ADAMTS9: variants seen among roughly 807,000 people sequenced by gnomAD.
ADAMTS9 encodes ADAM metallopeptidase with thrombospondin type 1 motif 9.
ADAMTS9 carries 107 observed loss-of-function variants against 257.1 expected under a neutral mutation model. The ratio of observed to expected loss-of-function variants is 0.42; its 90% CI spans 0.36 to 0.49. The LOEUF is 0.49. Among genes scored for constraint, ADAMTS9 ranks in the 20% least tolerant of loss-of-function variants. The probability of loss-of-function intolerance (pLI) is 0.03; values close to 1 mark genes in which losing one functional copy is unlikely to be tolerated. For synonymous variants in ADAMTS9, 982 were observed against 880.9 expected (o/e 1.11, Z -2.03); for missense variants, 2,353 against 2,469.1 (o/e 0.95, Z 1.00).
At chr3:64,612,823 G>A (rs1022659166) in intron 22 of ADAMTS9, among the ~76,000 whole-genome samples, 6 of 152,190 alleles carry the variant, frequency 3.9e-5, no homozygotes, top group Non-Finnish European at 8.8e-5. Context: ...CTACAGACTA[G>A]AGGACTTGGA....
chr3:64,633,407 G>A lies in ADAMTS9; in HGVS notation c.2175+65C>T, dbSNP rs148220850. 4.6e-4 allele frequency: 732 copies of A among 1,597,330 alleles called. 2 individuals carry two copies. In the African/African-American group the frequency reaches 8.6e-3, roughly 19 times the overall value. Reference sequence around the variant, plus strand: ...ATACTAGCAGTTGCTATTCTATCTAGGAAGCCACAAATCACAGGTTGGCAG... The same window carrying A: ...ATACTAGCAGTTGCTATTCTATCTAAGAAGCCACAAATCACAGGTTGGCAG... On this transcript the variant is annotated intron_variant, in intron 14 of 39. Transcript: ENST00000498707.
intron 3 of ADAMTS9, among the ~76,000 whole-genome samples, chr3:64,679,712 A>G (rs145648163): frequency 6.6e-6 from 1 of 152,332 alleles, no homozygotes; most frequent in Non-Finnish European, 1.5e-5. Flanking sequence ...TATGTTATGT[A>G]TACATTTCAT....
chr3:64,615,955 C>T lies in ADAMTS9; in HGVS notation c.3024+5G>A. The T allele has an allele frequency of 6.2e-7, 1 of 1,612,692 alleles. No homozygotes were observed. Among genetic ancestry groups the T allele is most frequent in the Non-Finnish European group, 8.5e-7 (1 of 1,179,926 alleles). The stretch of plus-strand genomic sequence containing the variant: ...AGAAGACTCTTTGAGTGAGAGCCAA[C>T]TTACTTCAGTCCAGGCAGAATAGCG... On this transcript the variant is annotated splice_donor_5th_base_variant and intron_variant, in intron 20 of 39. Transcript: ENST00000498707.
chr3:64,631,814 G>A lies in ADAMTS9; in HGVS notation c.2287C>T (p.His763Tyr), dbSNP rs769693453. The A allele has an allele frequency of 9.3e-6, 15 of 1,610,700 alleles. No homozygotes were observed. Among genetic ancestry groups the A allele is most frequent in the Middle Eastern group, 1.7e-4 (1 of 6,054 alleles). Residue 763 changes from histidine (H) to tyrosine (Y), a missense_variant, in exon 15 of 40, where the codon CAT becomes TAT. Transcript: ENST00000498707. ...KTVAGTFNTV[H>Y]YGYNTVVRIP... ...CTTAGGAGCAGATTCTTACCATAAT[G>A]TACTGTATTAAATGTTCCTGCCACT...
intron 28 of ADAMTS9, among the ~76,000 whole-genome samples, chr3:64,590,533 G>A (rs925110480): frequency 3.2e-4 from 48 of 152,160 alleles, no homozygotes; most frequent in African/African-American, 1.1e-3. Context: ...AGGTGTGGCT[G>A]CTTAAAACTG....
At chr3:64,582,991 G>A (rs1276209162) in intron 28 of ADAMTS9, 1 of 152,218 alleles carries the variant, frequency 6.6e-6, no homozygotes, top group Non-Finnish European at 1.5e-5. Context: ...GATATGGGAA[G>A]CTCTGTTTGA....
chr3:64,661,596 A>G (rs1220434081), intron 3 of ADAMTS9, among the ~76,000 whole-genome samples: 1 of 152,170 alleles, frequency 6.6e-6, no homozygotes, highest in Non-Finnish European at 1.5e-5. Flanking sequence ...TGCTCTTTCG[A>G]TTAGGTGAGC....
At chr3:64,519,757 T>A (rs1031403386) in intron 39 of ADAMTS9, among the ~76,000 whole-genome samples, 4 of 152,156 alleles carry the variant, frequency 2.6e-5, no homozygotes, top group South Asian at 4.1e-4. Context: ...CCCTTCATGA[T>A]AAAAACCTAC....
intron 37 of ADAMTS9, among the ~76,000 whole-genome samples, chr3:64,535,588 C>G (rs2106899139): frequency 7.6e-6 from 1 of 132,420 alleles, no homozygotes; most frequent in Non-Finnish European, 1.6e-5. Flanking sequence ...AGGTCTCACT[C>G]TGTCACCTAG....
At chr3:64,621,591 T>G (rs1441039778) in intron 18 of ADAMTS9, among the ~76,000 whole-genome samples, 1 of 151,624 alleles carries the variant, frequency 6.6e-6, no homozygotes, top group Non-Finnish European at 1.5e-5. Flanking sequence ...GTGAAACCCG[T>G]TCTCTACCAA....
chr3:64,517,415 G>GTTTTTTTTTTTTTTTTTTTTTTTTTTT (rs1242670245), intron 39 of ADAMTS9, among the ~76,000 whole-genome samples: 2 of 11,544 alleles, frequency 1.7e-4, no homozygotes, highest in Non-Finnish European at 6.0e-4. Flanking sequence ...AATTAAAAAT[G>GTTTTTTTTTTTTTTTTTTTTTTTTTTT]GTTTTTTTTT....
At chr3:64,548,597 G>A (rs372605036) in intron 31 of ADAMTS9, among the ~76,000 whole-genome samples, 39 of 28,334 alleles carry the variant, frequency 1.4e-3, no homozygotes, top group African/African-American at 1.7e-3. Flanking sequence ...CTATTTATGT[G>A]GGGGGGAGCC....
At chr3:64,522,508 G>T (rs1277375331) in intron 38 of ADAMTS9, 1 of 330,810 alleles carries the variant, frequency 3.0e-6, no homozygotes, top group East Asian at 5.3e-5. Flanking sequence ...AAATAATTGA[G>T]AAAAAGTAAA....
At chr3:64,653,662 T>G (rs537321934) in intron 8 of ADAMTS9, among the ~76,000 whole-genome samples, 4 of 152,340 alleles carry the variant, frequency 2.6e-5, no homozygotes, top group African/African-American at 9.6e-5. Flanking sequence ...ATAGTATAAG[T>G]AATTTAATCA....
intron 27 of ADAMTS9, 52 bp from the exon 28 acceptor site, chr3:64,594,486 C>G: frequency 1.3e-6 from 2 of 1,587,026 alleles, no homozygotes; most frequent in Non-Finnish European, 1.7e-6. Context: ...AGGCCAATGA[C>G]AAATTTCCTT....
At chr3:64,618,544 A>G (rs1337693940) in intron 19 of ADAMTS9, among the ~76,000 whole-genome samples, 4 of 152,180 alleles carry the variant, frequency 2.6e-5, no homozygotes, top group African/African-American at 7.2e-5. Context: ...GTGAGTGTCA[A>G]TTAAGTGACC....
chr3:64,588,657 G>A (rs2084204685), intron 28 of ADAMTS9: 1 of 152,000 alleles, frequency 6.6e-6, no homozygotes, highest in Non-Finnish European at 1.5e-5. Context: ...CTCCTCCTCA[G>A]AGTCCAATAA....
chr3:64,670,960 C>T (rs925578711), intron 3 of ADAMTS9, among the ~76,000 whole-genome samples: 2 of 152,172 alleles, frequency 1.3e-5, no homozygotes, highest in African/African-American at 2.4e-5. Flanking sequence ...AATGGCATAA[C>T]CACTTTGAAA....
At chr3:64,634,006 T>C in intron 12 of ADAMTS9, 127 bp from the exon 13 acceptor site, 4 of 842,206 alleles carry the variant, frequency 4.7e-6, no homozygotes, top group Non-Finnish European at 7.3e-6. Context: ...GACAGAGGAA[T>C]GGGCAAGAGC....
Sources: gnomAD v4.1 joint callset for allele counts (sites outside exome capture counted in the v4.1 genomes callset) on GRCh38, gnomAD v4.1.1 for gene constraint, MANE v1.5 for transcripts, NCBI Gene and HGNC (gene_info 2026-07-23, HGNC 2026-07-21) for gene names.